Variants in CLVS1 observed in about 807,000 individuals in gnomAD.
CLVS1 encodes the protein clavesin 1.
Under a neutral mutation model 33.1 loss-of-function variants are expected in CLVS1, and 10 were observed. The ratio of observed to expected loss-of-function variants is 0.30; its 90% CI spans 0.19 to 0.51. The LOEUF (loss-of-function observed/expected upper bound fraction) is 0.51, where lower values mean the gene tolerates loss of function less well. Ranked by LOEUF, CLVS1 falls within the 20% of genes least tolerant of loss-of-function variation. The pLI is 0.97. For missense variants in CLVS1, 343 were observed against 433.4 expected (o/e 0.79, Z 1.85); for synonymous variants, 163 against 166.1 (o/e 0.98, Z 0.14).
At chr8:61,354,524 T>C (rs1300050442) in intron 2 of CLVS1, among the ~76,000 whole-genome samples, 2 of 152,072 alleles carry the variant, frequency 1.3e-5, no homozygotes, top group Non-Finnish European at 2.9e-5. Context: ...AAAAAGCCTA[T>C]ACACAAATGT....
intron 2 of CLVS1, among the ~76,000 whole-genome samples, chr8:61,163,656 G>A (rs1045958789): frequency 6.6e-6 from 1 of 152,198 alleles, no homozygotes; most frequent in African/African-American, 2.4e-5. Flanking sequence ...GGGCCATGCA[G>A]TGTGTGTTAT....
chr8:60,994,712 C>G, the CLVS1 span, among the ~76,000 whole-genome samples: 2 of 152,028 alleles, frequency 1.3e-5, 1 homozygote, highest in South Asian at 4.2e-4. Context: ...TTTTTTGGTT[C>G]CATATGAACT....
intron 5 of CLVS1, among the ~76,000 whole-genome samples, chr8:61,468,902 C>T (rs765044989): frequency 6.6e-6 from 1 of 152,140 alleles, no homozygotes. Flanking sequence ...ATGTTAGCTT[C>T]CCTTTTGTGG....
At chr8:61,427,417 G>C (rs1042400061) in intron 3 of CLVS1, among the ~76,000 whole-genome samples, 5 of 152,104 alleles carry the variant, frequency 3.3e-5, no homozygotes, top group Non-Finnish European at 7.3e-5. Context: ...GACCCAACCC[G>C]ATGAGCAAGA....
chr8:61,224,792 G>A (rs1321915798), intron 2 of CLVS1, among the ~76,000 whole-genome samples: 2 of 152,158 alleles, frequency 1.3e-5, no homozygotes, highest in Admixed American at 1.3e-4. Flanking sequence ...TCAACAGAAA[G>A]AGCTAACTAT....
intron 2 of CLVS1, among the ~76,000 whole-genome samples, chr8:61,166,662 A>G (rs1806872432): frequency 6.6e-6 from 1 of 151,994 alleles, no homozygotes; most frequent in African/African-American, 2.4e-5. Flanking sequence ...AACCACTTGT[A>G]TTATTTCTCT....
At chr8:61,130,173 GGTTGCA>G (rs1264002031) in intron 1 of CLVS1, among the ~76,000 whole-genome samples, 3 of 151,868 alleles carry the variant, frequency 2.0e-5, no homozygotes, top group African/African-American at 7.3e-5. Context: ...GGGAGGTGGA[GGTTGCA>G]GTGAGCTGAA....
chr8:61,091,730 T>TA (rs1805253647), intron 1 of CLVS1, among the ~76,000 whole-genome samples: 1 of 152,164 alleles, frequency 6.6e-6, no homozygotes, highest in African/African-American at 2.4e-5. Flanking sequence ...CCCTACTAAA[T>TA]AAAAAACCTC....
At chr8:61,403,896 AG>A (rs1467763375) in intron 3 of CLVS1, among the ~76,000 whole-genome samples, 1 of 152,238 alleles carries the variant, frequency 6.6e-6, no homozygotes, top group East Asian at 1.9e-4. Context: ...AGAAAGCAGA[AG>A]AGTTGGCTGT....
chr8:61,228,007 A>G (rs187363234), intron 2 of CLVS1, among the ~76,000 whole-genome samples: 29 of 152,346 alleles, frequency 1.9e-4, no homozygotes, highest in African/African-American at 6.5e-4. Context: ...ATGTGAAGAC[A>G]AAAAACGAGT....
At chr8:61,468,863 T>G (rs910936787) in intron 5 of CLVS1, among the ~76,000 whole-genome samples, 7 of 152,130 alleles carry the variant, frequency 4.6e-5, no homozygotes, top group Non-Finnish European at 8.8e-5. Context: ...TTATCGGAAT[T>G]CCAGAAACTA....
At chr8:61,380,429 G>A (rs1485036431) in intron 3 of CLVS1, among the ~76,000 whole-genome samples, 1 of 152,146 alleles carries the variant, frequency 6.6e-6, no homozygotes, top group African/African-American at 2.4e-5. Flanking sequence ...GTCATGAAAT[G>A]TTAATCGTGT....
chr8:61,249,942 G>C (rs573216876), intron 2 of CLVS1, among the ~76,000 whole-genome samples: 2 of 152,142 alleles, frequency 1.3e-5, no homozygotes, highest in South Asian at 4.2e-4. Flanking sequence ...TGTCAATTTT[G>C]GCTCCTGTTG....
At chr8:61,411,557 A>C (rs943275813) in intron 3 of CLVS1, among the ~76,000 whole-genome samples, 3 of 152,360 alleles carry the variant, frequency 2.0e-5, no homozygotes, top group Admixed American at 2.0e-4. Context: ...CCGAGGCAGC[A>C]GCTCTCCAGG....
At chr8:61,069,993 A>G (rs1433979825) in intron 1 of CLVS1, among the ~76,000 whole-genome samples, 4 of 152,066 alleles carry the variant, frequency 2.6e-5, no homozygotes, top group African/African-American at 9.7e-5. Context: ...GGGTTTTGCC[A>G]TGTTGGCCAC....
At chr8:61,108,005 C>T (rs548813793) in intron 1 of CLVS1, among the ~76,000 whole-genome samples, 3 of 152,166 alleles carry the variant, frequency 2.0e-5, no homozygotes, top group South Asian at 2.1e-4. Flanking sequence ...CAGTGGCTCA[C>T]GCCTGTAATC....
intron 5 of CLVS1, among the ~76,000 whole-genome samples, chr8:61,476,682 T>A (rs1189856560): frequency 6.6e-6 from 1 of 152,238 alleles, no homozygotes; most frequent in Non-Finnish European, 1.5e-5. Flanking sequence ...GCTTATCAAC[T>A]TAAGGAGATT....
chr8:61,012,892 A>C, the CLVS1 span, among the ~76,000 whole-genome samples: 23 of 152,130 alleles, frequency 1.5e-4, no homozygotes, highest in Non-Finnish European at 2.8e-4. Flanking sequence ...GTCTGCAGAG[A>C]TTTCCTGCAG....
intron 2 of CLVS1, among the ~76,000 whole-genome samples, chr8:61,151,119 G>A (rs1433271967): frequency 6.6e-6 from 1 of 152,166 alleles, no homozygotes; most frequent in Non-Finnish European, 1.5e-5. Context: ...ACAAACTCTC[G>A]TATCTACTTA....
Sources: allele counts gnomAD v4.1 joint callset (sites outside exome capture counted in the v4.1 genomes callset), GRCh38; gene constraint gnomAD v4.1.1; transcripts MANE v1.5; gene names NCBI Gene and HGNC (gene_info 2026-07-23, HGNC 2026-07-21).